Variants in CBARP observed in about 807,000 individuals in gnomAD.
The protein encoded by CBARP is CACN subunit beta associated regulatory protein.
In CBARP, 24 loss-of-function variants were observed where a neutral mutation model predicts 36.3. The observed-to-expected ratio is 0.66, with a 90% CI of 0.48 to 0.93. CBARP has a LOEUF of 0.93. Ranked by LOEUF, CBARP falls within the 40% of genes least tolerant of loss-of-function variation. CBARP has a pLI of 0.00. For missense variants in CBARP, 1,146 were observed against 980.4 expected, an observed-to-expected ratio of 1.17 and a Z score of -2.26; for synonymous variants, 586 against 453.2, an observed-to-expected ratio of 1.29 and a Z score of -3.72.
rs1357142295 is a variant in CBARP, at chr19:1,230,046, C to T, written c.1251G>A (p.Leu417=). ...CCGCGTCCCGCTCGGCGTCCGGCTC[C>T]AGTGGCGGCTGCTGCTGCTCAGGCC... ...SAGPEQQQPP[L]EPDAERDAGP... The change falls in exon 10 of 10, where the codon CTG becomes CTA. Residue 417 remains leucine (L), a synonymous_variant. Coordinates refer to ENST00000650044, the MANE Select transcript of CBARP (RefSeq NM_001393918.1). 1 of 1,216,032 alleles carries T rather than the reference C, an allele frequency of 8.2e-7. No homozygotes were observed. The allele number at this position is 1,216,032 out of a possible 1,614,324, so 75.3% of individuals were successfully genotyped here.
Position 1,237,481 on chromosome 19 carries a change from G to C in CBARP, c.-22+275C>G, listed in dbSNP as rs573651599. Among the ~76,000 whole-genome samples the C allele has an allele frequency of 3.3e-3, 503 of 152,142 alleles. 3 individuals carry two copies. The highest frequency in any genetic ancestry group is 0.012 in the African/African-American group (484 of 41,520). ...CGCCCCCGAGCCGGCCAAGGGTGGG[G>C]ATGGCGAGCCAGGGGAGGCAGGGAC... On this transcript the variant is annotated intron_variant, in intron 1 of 9. Transcript: ENST00000650044.
Position 1,236,041 on chromosome 19 carries a change from TGTGGCA to T in CBARP, c.54_59del (p.Ala19_Thr20del), listed in dbSNP as rs1478614604. On this transcript the variant is annotated inframe_deletion, in exon 2 of 10. Transcript: ENST00000650044. ...TGTCCCACGACGTCGTCAGGGCTAC[TGTGGCA>T]GTGGTGGTGGTGGTGGTGGTGGCGG... 1 of 1,535,226 alleles carries T rather than the reference TGTGGCA, an allele frequency of 6.5e-7. No individual in the cohort carries two copies. The highest frequency in any genetic ancestry group is 8.8e-7 in the Non-Finnish European group (1 of 1,141,694).
chr19:1,233,039 G>A (rs1157758016), intron 8 of CBARP, among the ~76,000 whole-genome samples: 1 of 152,236 alleles, frequency 6.6e-6, no homozygotes, highest in African/African-American at 2.4e-5. Flanking sequence ...CATTCCCAGG[G>A]ATGAGAGCCG....
chr19:1,236,586 C>T (rs2080977009), intron 1 of CBARP, among the ~76,000 whole-genome samples: 2 of 152,002 alleles, frequency 1.3e-5, no homozygotes, highest in Admixed American at 6.5e-5. Flanking sequence ...TGGCAGGGCC[C>T]ACCCGGCCAT....
At chr19:1,230,829 C>T in intron 9 of CBARP, 1 of 1,475,518 alleles carries the variant, frequency 6.8e-7, no homozygotes, top group Non-Finnish European at 8.9e-7. Context: ...TCGGACTCCA[C>T]CAGCAAGCAG....
In CBARP at chr19:1,229,761, G is replaced by T; in HGVS notation, c.1536C>A (p.Gly512=). ...CAGGTGGCTCGGTGTCGTCGCCTGCGCCGCGGCCCTCGATGCTGGCGTAGC... is the reference window on the plus strand; with the variant it reads ...CAGGTGGCTCGGTGTCGTCGCCTGCTCCGCGGCCCTCGATGCTGGCGTAGC... ...DSGYASIEGR[G]AGDDTEPPAA... Residue 512 remains glycine, a synonymous_variant, in exon 10 of 10, where the codon GGC becomes GGA. Transcript: ENST00000650044. This position sits in a 1 kb window ranked among gnomAD's most constrained non-coding sequence, Gnocchi z 5.1. The T allele has an allele frequency of 5.9e-6, 6 of 1,009,066 alleles. No individual in the cohort carries two copies. Among genetic ancestry groups the T allele is most frequent in the South Asian group, 3.2e-5 (1 of 31,106 alleles). The allele number at this position is 1,009,066 out of a possible 1,614,324, so 62.5% of individuals were successfully genotyped here. A position where few individuals can be genotyped will look rare whatever the true frequency, so the allele number is the denominator to read the frequency against.
chr19:1,230,253 G>A (rs1391914073), intron 9 of CBARP, 111 bp from the exon 10 acceptor site: 4 of 992,902 alleles, frequency 4.0e-6, no homozygotes, highest in Non-Finnish European at 4.8e-6. Flanking sequence ...CTTGGGACTC[G>A]GGCGGGCCTT....
Position 1,236,018 on chromosome 19 carries a change from T to G in CBARP, c.83A>C (p.Asp28Ala). The change falls in exon 2 of 10, where the codon GAC (aspartate) becomes GCC (alanine). Residue 28 changes from aspartate (D) to alanine (A), a missense_variant. Physicochemically the swap from Asp to Ala is moderately radical, Grantham distance 126. Transcript: ENST00000650044. ...CACCGTGGGGCGTCCAGTGGCATTG[T>G]CCCACGACGTCGTCAGGGCTACTGT... ...TATVALTTSW[D>A]NATGRPTAEP... 1 of 1,545,096 alleles carries G rather than the reference T, an allele frequency of 6.5e-7. No homozygotes were observed. Among genetic ancestry groups the G allele is most frequent in the Non-Finnish European group, 8.7e-7 (1 of 1,145,114 alleles).
rs200740347 is a variant in CBARP, at chr19:1,236,003, C to A, written c.98G>T (p.Arg33Leu). 7.1e-6 allele frequency: 11 copies of A among 1,552,312 alleles called. No homozygotes were observed. In the Admixed American group the frequency reaches 2.1e-4, roughly 30 times the overall value. The change falls in exon 2 of 10, where the codon CGC becomes CTC. Residue 33 changes from arginine (R) to leucine (L), a missense_variant. Transcript: ENST00000650044. ...LTTSWDNATG[R>L]PTAEPDPILD... is the part of the protein sequence containing the mutation. The stretch of plus-strand genomic sequence containing the variant: ...CCTGTCCCCTGCACCCACCGTGGGG[C>A]GTCCAGTGGCATTGTCCCACGACGT...
rs1485061187 is a variant in CBARP, at chr19:1,235,811, C to T, written c.213G>A (p.Lys71=). ...VVLSGVLLLC[K]RCWDVHQRLN... ...GGCGCTGGTGGACGTCCCAGCAGCG[C>T]TTGCAGAGGAGCAGGACGCCAGACA... Residue 71 remains lysine (K), a synonymous_variant, in exon 3 of 10, where the codon AAG becomes AAA. Transcript: ENST00000650044. The T allele has an allele frequency of 2.5e-6, 4 of 1,609,826 alleles. No homozygotes were observed. The East Asian group carries it at 8.9e-5, about 36-fold the overall frequency.
At chr19:1,235,196 C>A in intron 4 of CBARP, 51 bp from the exon 5 acceptor site, 3 of 1,455,332 alleles carry the variant, frequency 2.1e-6, no homozygotes, top group Admixed American at 2.5e-5. Flanking sequence ...ACGCCAGGCG[C>A]CTGGTCCCGG....
At chr19:1,237,041 C>T (rs2080984717) in intron 1 of CBARP, among the ~76,000 whole-genome samples, 1 of 152,138 alleles carries the variant, frequency 6.6e-6, no homozygotes, top group Non-Finnish European at 1.5e-5. Flanking sequence ...GTGGGGAGGC[C>T]CGGGAATCGC....
Position 1,234,191 on chromosome 19 carries a change from C to G in CBARP, c.768G>C (p.Ser256=). Residue 256 remains serine, a splice_region_variant and synonymous_variant, in exon 7 of 10, where the codon TCG becomes TCC. Transcript: ENST00000650044. ...SASSDSGEGT[S]LDAGTRSTKA... ...ATGGGGGACACGCAGGGGCCCTCAC[C>G]GAGGTGCCTTCCCCAGAGTCGCTAG... The G allele has an allele frequency of 6.6e-7, 1 of 1,517,050 alleles. No individual in the cohort carries two copies. Among genetic ancestry groups the G allele is most frequent in the Non-Finnish European group, 8.8e-7 (1 of 1,137,474 alleles). The allele number at this position is 1,517,050 out of a possible 1,614,324, so 94.0% of individuals were successfully genotyped here. A position where few individuals can be genotyped will look rare whatever the true frequency, so the allele number is the denominator to read the frequency against.
At position 1,229,363 on chromosome 19, in the gene CBARP, T is replaced by G; in HGVS notation, c.1934A>C (p.Glu645Ala). The G allele has an allele frequency of 8.5e-7, 1 of 1,179,776 alleles. No homozygotes were observed. Among genetic ancestry groups the G allele is most frequent in the South Asian group, 1.5e-5 (1 of 68,710 alleles). 73.1% of individuals were successfully genotyped at this position (1,179,776 alleles called of 1,614,324 possible). A position where few individuals can be genotyped will look rare whatever the true frequency, so the allele number is the denominator to read the frequency against. The change falls in exon 10 of 10, where the codon GAG becomes GCG. Residue 645 changes from glutamate to alanine, a missense_variant. Coordinates refer to ENST00000650044, the MANE Select transcript of CBARP (RefSeq NM_001393918.1). The surrounding 1 kb of genome is among the most constrained non-coding windows in gnomAD (Gnocchi z 5.1). ...GDDPAIPVIEEEPGGGGCPGS... is the reference protein window; with the variant it reads ...GDDPAIPVIEAEPGGGGCPGS... ...GGGGCACCCCCCGCCGCCCGGCTCCTCCTCGATGACGGGGATGGCGGGGTC... is the reference window on the plus strand; with the variant it reads ...GGGGCACCCCCCGCCGCCCGGCTCCGCCTCGATGACGGGGATGGCGGGGTC...
chr19:1,234,357 G>A (rs1599947949), intron 6 of CBARP, 26 bp from the exon 7 acceptor site: 3 of 1,439,640 alleles, frequency 2.1e-6, no homozygotes, highest in Non-Finnish European at 2.7e-6. Context: ...AGGTGGGGGA[G>A]GAAGCAGTGA....
intron 1 of CBARP, among the ~76,000 whole-genome samples, chr19:1,236,677 C>G (rs2080978210): frequency 2.0e-5 from 3 of 151,928 alleles, no homozygotes; most frequent in Non-Finnish European, 4.4e-5. Context: ...GGTCACGACT[C>G]CGGGAGGTGG....
intron 3 of CBARP, 58 bp from the exon 4 acceptor site, chr19:1,235,623 T>C: frequency 6.3e-7 from 1 of 1,585,980 alleles, no homozygotes; most frequent in Non-Finnish European, 8.6e-7. Context: ...CCACAGTGGG[T>C]CTCGGCTCTT....
chr19:1,229,140 C>G lies in CBARP; in HGVS notation c.*39G>C, dbSNP rs764112228. On this transcript the variant is annotated 3_prime_UTR_variant, in exon 10 of 10. Coordinates refer to ENST00000650044, the MANE Select transcript of CBARP (RefSeq NM_001393918.1). This position sits in a 1 kb window ranked among gnomAD's most constrained non-coding sequence, Gnocchi z 5.1. ...CCGCCGCCGAGGCCCCGTGCGGCGCCGGAGAAGCTGCCAGAGAGATGGGCC... is the reference window on the plus strand; with the variant it reads ...CCGCCGCCGAGGCCCCGTGCGGCGCGGGAGAAGCTGCCAGAGAGATGGGCC... 1.1e-6 allele frequency: 1 copy of G among 924,980 alleles called. No homozygotes were observed. The highest frequency in any genetic ancestry group is 1.3e-6 in the Non-Finnish European group (1 of 757,418). The allele number at this position is 924,980 out of a possible 1,614,324, so 57.3% of individuals were successfully genotyped here. A position where few individuals can be genotyped will look rare whatever the true frequency, so the allele number is the denominator to read the frequency against.
chr19:1,233,595 C>T lies in CBARP; in HGVS notation c.810G>A (p.Gly270=). ...CCGCCTCCCCAGGCCCTGCTGCAGC[C>T]CCGGGCCCTCCAGCCTTGGTGCTCC... is the stretch of plus-strand genomic sequence containing the variant. ...GTRSTKAGGP[G]AAAGPGEAGP... Residue 270 remains glycine (G), a synonymous_variant, in exon 8 of 10, where the codon GGG becomes GGA. Coordinates refer to ENST00000650044, the MANE Select transcript of CBARP (RefSeq NM_001393918.1). 6 of 1,610,518 alleles carry T rather than the reference C, an allele frequency of 3.7e-6. No homozygotes were observed. Among genetic ancestry groups the T allele is most frequent in the Middle Eastern group, 1.8e-4 (1 of 5,618 alleles).
Sources: allele counts gnomAD v4.1 joint callset (sites outside exome capture counted in the v4.1 genomes callset), GRCh38; gene constraint gnomAD v4.1.1; non-coding constraint Gnocchi (gnomAD v3.1); transcripts MANE v1.5; gene names NCBI Gene and HGNC (gene_info 2026-07-23, HGNC 2026-07-21).